The following CTNNA1 variants were observed in gnomAD, a reference collection of about 807,000 sequenced individuals.
CTNNA1 encodes catenin alpha 1.
In CTNNA1, 37 loss-of-function variants were observed where a neutral mutation model predicts 98.4. The observed-to-expected ratio is 0.38, with a 90% confidence interval of 0.29 to 0.49. The LOEUF (loss-of-function observed/expected upper bound fraction) is 0.49, where lower values mean the gene tolerates loss of function less well. Ranked by LOEUF, CTNNA1 falls within the 20% of genes least tolerant of loss-of-function variation. CTNNA1 has a pLI of 0.95. For synonymous variants in CTNNA1, 404 were observed against 413.2 expected, an observed-to-expected ratio of 0.98 and a Z score of 0.27; for missense variants, 761 against 1,147.2, an observed-to-expected ratio of 0.66 and a Z score of 4.86.
At chr5:138,802,934 A>C (rs1757727138) in intron 3 of CTNNA1, among the ~76,000 whole-genome samples, 1 of 151,148 alleles carries the variant, frequency 6.6e-6, no homozygotes, top group Non-Finnish European at 1.5e-5. Context: ...AGTAGCTGGG[A>C]TTACAGGCAT....
chr5:138,845,225 T>C (rs976755915), intron 7 of CTNNA1, among the ~76,000 whole-genome samples: 3 of 152,206 alleles, frequency 2.0e-5, no homozygotes, highest in Non-Finnish European at 4.4e-5. Context: ...AAAGTAGAAA[T>C]GAATAAAACT....
At chr5:138,850,849 A>C (rs2149843625) in intron 7 of CTNNA1, among the ~76,000 whole-genome samples, 1 of 152,310 alleles carries the variant, frequency 6.6e-6, no homozygotes, top group Non-Finnish European at 1.5e-5. Context: ...TATCACTACA[A>C]AACAAACAGA....
intron 1 of CTNNA1, among the ~76,000 whole-genome samples, chr5:138,774,799 T>G (rs1753916493): frequency 6.6e-6 from 1 of 152,040 alleles, no homozygotes; most frequent in African/African-American, 2.4e-5. Flanking sequence ...TTTTTTGTAT[T>G]TTTAGTAGAG....
chr5:138,809,742 CT>C lies in CTNNA1; in HGVS notation c.302-286del, dbSNP rs111367271. On this transcript the variant is annotated intron_variant, in intron 3 of 17. Transcript: ENST00000302763. ...CTTTTTTTTGGATACATATAATGCC[CT>C]TTTTTTTTTAAAGGAACATTATTAG... 1.6e-3 allele frequency among the ~76,000 whole-genome samples: 240 copies of C among 147,928 alleles called. 2 individuals carry two copies. Among genetic ancestry groups the C allele is most frequent in the African/African-American group, 4.4e-3 (179 of 40,350 alleles).
chr5:138,776,646 C>T (rs1221832726), intron 1 of CTNNA1, among the ~76,000 whole-genome samples: 42 of 151,662 alleles, frequency 2.8e-4, no homozygotes, highest in African/African-American at 9.7e-4. Flanking sequence ...CCTCACCTCC[C>T]GGACGGGGCG....
chr5:138,931,642 A>G, intron 16 of CTNNA1: 1 of 985,426 alleles, frequency 1.0e-6, no homozygotes, highest in Non-Finnish European at 1.2e-6. Flanking sequence ...TCCTTTCTGC[A>G]GATCTCCATA....
chr5:138,923,806 T>G (rs1209294096), intron 11 of CTNNA1, among the ~76,000 whole-genome samples: 1 of 152,240 alleles, frequency 6.6e-6, no homozygotes, highest in Non-Finnish European at 1.5e-5. Flanking sequence ...TCAGGCTTTT[T>G]GCTTTGAGGA....
chr5:138,849,519 T>C (rs1237773610), intron 7 of CTNNA1, among the ~76,000 whole-genome samples: 2 of 152,240 alleles, frequency 1.3e-5, no homozygotes, highest in Non-Finnish European at 2.9e-5. Context: ...TCTCTGTCTT[T>C]AGAGCTCTTA....
At chr5:138,789,080 A>G (rs2149673547) in intron 3 of CTNNA1, among the ~76,000 whole-genome samples, 1 of 152,328 alleles carries the variant, frequency 6.6e-6, no homozygotes, top group African/African-American at 2.4e-5. Context: ...TTTCCTAGGA[A>G]GAAGCTTGTG....
intron 13 of CTNNA1, among the ~76,000 whole-genome samples, chr5:138,927,126 A>G (rs936907282): frequency 1.4e-4 from 22 of 152,158 alleles, no homozygotes; most frequent in Admixed American, 5.2e-4. Flanking sequence ...TGCAGGTGCC[A>G]CTCAGCTGGT....
At chr5:138,895,887 G>C (rs1356099062) in intron 9 of CTNNA1, among the ~76,000 whole-genome samples, 1 of 152,118 alleles carries the variant, frequency 6.6e-6, no homozygotes, top group Non-Finnish European at 1.5e-5. Context: ...GTTGATTCTT[G>C]CTAACTTGGT....
chr5:138,794,203 G>C (rs1209277362), intron 3 of CTNNA1, among the ~76,000 whole-genome samples: 1 of 152,184 alleles, frequency 6.6e-6, no homozygotes, highest in South Asian at 2.1e-4. Flanking sequence ...TTTTAGTAGA[G>C]ACAGGGTTTT....
intron 7 of CTNNA1, among the ~76,000 whole-genome samples, chr5:138,852,861 G>GCA (rs1763343970): frequency 2.7e-5 from 4 of 146,072 alleles, no homozygotes. Flanking sequence ...CCCTCTTTTC[G>GCA]CGCGCGCGCG....
rs1750862368 is a variant in CTNNA1 at position 138,873,252 on chromosome 5, T to A, written c.1063-12960T>A. 3 of 1,613,528 alleles carry A rather than the reference T, an allele frequency of 1.9e-6. No homozygotes were observed. In the East Asian group the frequency reaches 6.7e-5, roughly 36 times the overall value. ...CTGGAGATGAACACTATAAAAATAA[T>A]AAAAAAGAAAGAAAACAATAAAGCC... On this transcript the variant is annotated intron_variant, in intron 7 of 17. Coordinates refer to ENST00000302763, the MANE Select transcript of CTNNA1 (RefSeq NM_001903.5). The surrounding 1 kb of genome is among the most constrained non-coding windows in gnomAD (Gnocchi z 6.1).
intron 3 of CTNNA1, among the ~76,000 whole-genome samples, chr5:138,798,638 G>A (rs1297401828): frequency 2.6e-5 from 4 of 152,046 alleles, no homozygotes; most frequent in Non-Finnish European, 5.9e-5. Context: ...AAAGAATTGT[G>A]GGTTTTTTTG....
chr5:138,908,645 A>G (rs530870661), intron 10 of CTNNA1, among the ~76,000 whole-genome samples: 1 of 152,204 alleles, frequency 6.6e-6, no homozygotes, highest in East Asian at 1.9e-4. Flanking sequence ...AGCCTGGGCG[A>G]CAGAGTATGA....
intron 11 of CTNNA1, among the ~76,000 whole-genome samples, chr5:138,918,550 A>AT (rs778845523): frequency 5.3e-5 from 8 of 152,202 alleles, no homozygotes; most frequent in Admixed American, 1.3e-4. Context: ...AATCTGGGTA[A>AT]TTCACCTCAC....
intron 1 of CTNNA1, among the ~76,000 whole-genome samples, chr5:138,768,564 T>G (rs903618155): frequency 6.9e-6 from 1 of 144,628 alleles, no homozygotes; most frequent in Non-Finnish European, 1.5e-5. Flanking sequence ...GTCTGTTTTT[T>G]TTTTTTTTTT....
chr5:138,853,167 G>A (rs1459174172), intron 7 of CTNNA1, among the ~76,000 whole-genome samples: 4 of 147,332 alleles, frequency 2.7e-5, no homozygotes, highest in African/African-American at 7.5e-5. Context: ...TTTTTGTCTC[G>A]AACTCCTGAC....
Sources: gnomAD v4.1 joint callset for allele counts (sites outside exome capture counted in the v4.1 genomes callset) on GRCh38, gnomAD v4.1.1 for gene constraint, Gnocchi (gnomAD v3.1) non-coding constraint, MANE v1.5 for transcripts, NCBI Gene and HGNC (gene_info 2026-07-23, HGNC 2026-07-21) for gene names.